The following GHR variants were observed in gnomAD, a reference collection of about 807,000 sequenced individuals.
The protein encoded by GHR is growth hormone receptor.
In GHR, 35 loss-of-function variants were observed where a neutral mutation model predicts 67.1. The observed-to-expected ratio is 0.52, with a 90% CI of 0.40 to 0.69. GHR has a LOEUF of 0.69. Ranked by LOEUF, GHR falls within the 30% of genes least tolerant of loss-of-function variation. The probability of loss-of-function intolerance (pLI) is 0.00; values close to 1 mark genes in which losing one functional copy is unlikely to be tolerated. For missense variants in GHR, 792 were observed against 764.6 expected, an observed-to-expected ratio of 1.04 and a Z score of -0.42; for synonymous variants, 272 against 269.1, an observed-to-expected ratio of 1.01 and a Z score of -0.10.
chr5:42,705,911 A>G (rs888528801), intron 6 of GHR, among the ~76,000 whole-genome samples: 3 of 152,266 alleles, frequency 2.0e-5, no homozygotes, highest in African/African-American at 7.2e-5. Flanking sequence ...TATATACCCA[A>G]TAACGGGACT....
chr5:42,475,822 C>G (rs772279780), intron 1 of GHR, among the ~76,000 whole-genome samples: 1 of 152,132 alleles, frequency 6.6e-6, no homozygotes, highest in Non-Finnish European at 1.5e-5. Context: ...GAGCTTTTTC[C>G]CCCCTCTTTA....
intron 1 of GHR, among the ~76,000 whole-genome samples, chr5:42,438,943 G>T (rs919669245): frequency 6.6e-6 from 1 of 152,048 alleles, no homozygotes; most frequent in Non-Finnish European, 1.5e-5. Context: ...AATTTGTTAC[G>T]CAGCAATAGA....
At chr5:42,426,111 G>C (rs989527809) in intron 1 of GHR, among the ~76,000 whole-genome samples, 1 of 152,160 alleles carries the variant, frequency 6.6e-6, no homozygotes, top group African/African-American at 2.4e-5. Flanking sequence ...TATCTCTGGC[G>C]CCTGCTTAAA....
At chr5:42,611,344 A>G (rs1243601168) in intron 2 of GHR, among the ~76,000 whole-genome samples, 1 of 152,098 alleles carries the variant, frequency 6.6e-6, no homozygotes, top group Non-Finnish European at 1.5e-5. Context: ...AGTCCCAACC[A>G]CTTTTTCCAA....
In GHR at chr5:42,719,947, G is replaced by T. The variant is rs1042429190; in HGVS notation, c.*523G>T. On this transcript the variant is annotated 3_prime_UTR_variant, in exon 10 of 10. Transcript: ENST00000230882. Reference sequence around the variant, plus strand: ...TTTGGATATGTAAAACATTTATTTTGACATAAAGTTGATAAAGATTTTTTA... The same window carrying T: ...TTTGGATATGTAAAACATTTATTTTTACATAAAGTTGATAAAGATTTTTTA... 1.2e-5 allele frequency: 2 copies of T among 162,858 alleles called. No homozygotes were observed. The highest frequency in any genetic ancestry group is 2.4e-5 in the Non-Finnish European group (2 of 83,384). The allele number at this position is 162,858 out of a possible 1,614,324, so 10.1% of individuals were successfully genotyped here. A position where few individuals can be genotyped will look rare whatever the true frequency, so the allele number is the denominator to read the frequency against.
At chr5:42,554,060 G>T (rs1177034698) in intron 1 of GHR, among the ~76,000 whole-genome samples, 1 of 152,132 alleles carries the variant, frequency 6.6e-6, no homozygotes, top group African/African-American at 2.4e-5. Flanking sequence ...CATTTGGTTT[G>T]CACTGAATCA....
intron 1 of GHR, among the ~76,000 whole-genome samples, chr5:42,438,203 C>T (rs1743416852): frequency 6.6e-6 from 1 of 152,182 alleles, no homozygotes; most frequent in South Asian, 2.1e-4. Context: ...ACACAAAACC[C>T]ATGATCGACC....
At chr5:42,441,278 T>C (rs985398571) in intron 1 of GHR, among the ~76,000 whole-genome samples, 9 of 151,830 alleles carry the variant, frequency 5.9e-5, no homozygotes, top group African/African-American at 2.2e-4. Flanking sequence ...TGATGAGGGG[T>C]AAAGTAAGAA....
At chr5:42,667,851 G>C (rs1756070220) in intron 3 of GHR, among the ~76,000 whole-genome samples, 1 of 152,158 alleles carries the variant, frequency 6.6e-6, no homozygotes, top group Non-Finnish European at 1.5e-5. Context: ...ACTGGGTTGA[G>C]TTGATGACCC....
chr5:42,573,575 C>T (rs1750457948), intron 2 of GHR, among the ~76,000 whole-genome samples: 1 of 152,126 alleles, frequency 6.6e-6, no homozygotes, highest in African/African-American at 2.4e-5. Context: ...TGCCTCCTGC[C>T]TGATTAAATC....
At chr5:42,480,443 G>A (rs1354681197) in intron 1 of GHR, among the ~76,000 whole-genome samples, 2 of 152,138 alleles carry the variant, frequency 1.3e-5, no homozygotes, top group African/African-American at 4.8e-5. Context: ...GGGTATCCTT[G>A]TTAACTTTCT....
At chr5:42,436,417 G>A (rs927095492) in intron 1 of GHR, among the ~76,000 whole-genome samples, 1 of 152,094 alleles carries the variant, frequency 6.6e-6, no homozygotes, top group Admixed American at 6.5e-5. Context: ...TGGATGCATG[G>A]TATACACTTC....
At chr5:42,426,752 T>C (rs1742868578) in intron 1 of GHR, among the ~76,000 whole-genome samples, 1 of 152,194 alleles carries the variant, frequency 6.6e-6, no homozygotes, top group Admixed American at 6.5e-5. Flanking sequence ...CAGTACAGAA[T>C]GTCTTTCTGG....
intron 1 of GHR, among the ~76,000 whole-genome samples, chr5:42,481,242 T>C (rs543364291): frequency 6.6e-6 from 1 of 152,384 alleles, no homozygotes; most frequent in East Asian, 1.9e-4. Context: ...TTGTAGAGTT[T>C]CTGCCGAGAG....
chr5:42,692,927 A>T (rs532066498), intron 4 of GHR, among the ~76,000 whole-genome samples: 1 of 152,214 alleles, frequency 6.6e-6, no homozygotes, highest in South Asian at 2.1e-4. Context: ...ACTCTCTTTA[A>T]TGCACTCTTA....
At chr5:42,704,801 T>A (rs1758096300) in intron 6 of GHR, among the ~76,000 whole-genome samples, 3 of 152,012 alleles carry the variant, frequency 2.0e-5, no homozygotes, top group Non-Finnish European at 4.4e-5. Context: ...CTCATGCATA[T>A]AATTTTTCAG....
intron 1 of GHR, among the ~76,000 whole-genome samples, chr5:42,454,446 C>T (rs1297961387): frequency 6.6e-6 from 1 of 152,106 alleles, no homozygotes; most frequent in Admixed American, 6.6e-5. Context: ...CTTTTGTGTT[C>T]GGCTGCCAAG....
At chr5:42,558,612 G>T (rs1412478957) in intron 1 of GHR, among the ~76,000 whole-genome samples, 2 of 151,996 alleles carry the variant, frequency 1.3e-5, no homozygotes, top group African/African-American at 4.8e-5. Flanking sequence ...ACTTAATATT[G>T]TGGTAAAATT....
At chr5:42,668,818 C>G (rs1048751172) in intron 3 of GHR, among the ~76,000 whole-genome samples, 1 of 151,992 alleles carries the variant, frequency 6.6e-6, no homozygotes, top group African/African-American at 2.4e-5. Flanking sequence ...CCCAATAAGC[C>G]TGTTGTAAAT....
Sources: gnomAD v4.1 joint callset for allele counts (sites outside exome capture counted in the v4.1 genomes callset) on GRCh38, gnomAD v4.1.1 for gene constraint, MANE v1.5 for transcripts, NCBI Gene and HGNC (gene_info 2026-07-23, HGNC 2026-07-21) for gene names.